The following FCRL5 variants were observed in gnomAD, a reference collection of about 807,000 sequenced individuals.
FCRL5 encodes the protein Fc receptor like 5, also known as Fc receptor-like protein 5.
Under a neutral mutation model 92.1 loss-of-function variants are expected in FCRL5, and 79 were observed. The observed-to-expected ratio is 0.86, with a 90% CI of 0.72 to 1.03. The LOEUF (loss-of-function observed/expected upper bound fraction) is 1.03. FCRL5 is among the 50% of genes least tolerant of loss of function. The pLI, the probability that FCRL5 is intolerant of heterozygous loss-of-function variation, is 0.00. For missense variants in FCRL5, 1,160 were observed against 1,181.1 expected, an observed-to-expected ratio of 0.98 and a Z score of 0.26; for synonymous variants, 466 against 469.3, an observed-to-expected ratio of 0.99 and a Z score of 0.09.
intron 8 of FCRL5, among the ~76,000 whole-genome samples, chr1:157,529,330 C>G (rs540860183): frequency 1.3e-5 from 2 of 152,176 alleles, no homozygotes; most frequent in Non-Finnish European, 2.9e-5. Context: ...GTAAAGGGAA[C>G]AGTTTTACAC....
chr1:157,549,434 A>G (rs1178014805), intron 2 of FCRL5, 126 bp downstream of exon 2: 2 of 877,616 alleles, frequency 2.3e-6, no homozygotes, highest in Non-Finnish European at 3.5e-6. Flanking sequence ...TTAAAGTATA[A>G]TAAAAAAAAG....
intron 1 of FCRL5, among the ~76,000 whole-genome samples, chr1:157,551,852 C>CATT (rs924188317): frequency 6.6e-6 from 1 of 152,206 alleles, no homozygotes; most frequent in African/African-American, 2.4e-5. Flanking sequence ...TGTTCTTAAT[C>CATT]AGCCAATTGC....
chr1:157,544,191 C>T (rs185460568), intron 5 of FCRL5, 71 bp downstream of exon 5: 18 of 1,535,328 alleles, frequency 1.2e-5, no homozygotes, highest in African/African-American at 6.8e-5. Flanking sequence ...TGGTGACCCA[C>T]GCTGATATGC....
At position 157,540,875 on chromosome 1, in the gene FCRL5, A is replaced by G. The variant is rs562711824; in HGVS notation, c.1124-1511T>C. Among the ~76,000 whole-genome samples the G allele has an allele frequency of 7.2e-5, 11 of 152,298 alleles. No individual in the cohort carries two copies. The East Asian group carries it at 1.9e-3, about 27-fold the overall frequency. On this transcript the variant is annotated intron_variant, in intron 6 of 16. Coordinates refer to ENST00000361835, the MANE Select transcript of FCRL5 (RefSeq NM_031281.3). ...AATTTGTAAATATCGATATATAGAG[A>G]GACTCTAATTTAATCATCTAAGCAA...
At chr1:157,545,819 C>T (rs186667113) in intron 3 of FCRL5, among the ~76,000 whole-genome samples, 28 of 152,294 alleles carry the variant, frequency 1.8e-4, no homozygotes, top group South Asian at 4.1e-4. Flanking sequence ...TAAGCCACCG[C>T]GCCTGGCCAG....
At chr1:157,542,580 T>A (rs1355704226) in intron 6 of FCRL5, 5 of 420,224 alleles carry the variant, frequency 1.2e-5, no homozygotes. Context: ...ACAGGACAAG[T>A]GGAAAGCACA....
At chr1:157,520,633 G>A (rs1166455420) in intron 11 of FCRL5, 86 bp from the exon 12 acceptor site, 4 of 946,498 alleles carry the variant, frequency 4.2e-6, no homozygotes, top group Admixed American at 2.4e-5. Context: ...TGGGCCTGAC[G>A]GTGAACCTAG....
At chr1:157,516,872 C>T (rs1649956553) in intron 15 of FCRL5, among the ~76,000 whole-genome samples, 1 of 152,132 alleles carries the variant, frequency 6.6e-6, no homozygotes, top group African/African-American at 2.4e-5. Flanking sequence ...GGTGTCTATG[C>T]CTTGGTTTCC....
chr1:157,530,639 C>T (rs1403820012), intron 8 of FCRL5, among the ~76,000 whole-genome samples: 20 of 152,194 alleles, frequency 1.3e-4, no homozygotes, highest in Admixed American at 1.3e-3. Context: ...GGATTACAGG[C>T]GAGAGCCACC....
chr1:157,521,265 A>C lies in FCRL5; in HGVS notation c.2267T>G (p.Leu756Arg), dbSNP rs1650177955. 6.2e-7 allele frequency: 1 copy of C among 1,613,682 alleles called. No individual in the cohort carries two copies. Among genetic ancestry groups the C allele is most frequent in the Non-Finnish European group, 8.5e-7 (1 of 1,179,848 alleles). ...AVPVSRPVLT[L>R]RAPGTHAAVG... ...CGCAGCATGGGTCCCGGGAGCCCTG[A>C]GGGTGAGGACCGGGCGAGACACCGG... Residue 756 changes from leucine to arginine, a missense_variant, in exon 11 of 17, where the codon CTC becomes CGC. Physicochemically the swap from Leu to Arg is moderately radical, Grantham distance 102 (BLOSUM62 -2). Coordinates refer to ENST00000361835, the MANE Select transcript of FCRL5 (RefSeq NM_031281.3).
At chr1:157,552,184 G>C (rs1651851380) in intron 1 of FCRL5, 148 bp downstream of exon 1, 1 of 711,584 alleles carries the variant, frequency 1.4e-6, no homozygotes, top group South Asian at 1.9e-5. Context: ...AAAGCCCTGA[G>C]CTACAGAGTA....
At chr1:157,549,639 G>T (rs181703480) in intron 1 of FCRL5, 59 bp from the exon 2 acceptor site, 1 of 1,535,432 alleles carries the variant, frequency 6.5e-7, no homozygotes, top group South Asian at 1.2e-5. Context: ...GTTTTAAGAA[G>T]ATAATTCCCT....
At position 157,515,346 on chromosome 1, in the gene FCRL5, C is replaced by T. The variant is rs948708133; in HGVS notation, c.*329G>A. On this transcript the variant is annotated 3_prime_UTR_variant, in exon 17 of 17. Transcript: ENST00000361835. ...CCCACTCTCCCTTTGTGTGGTAAGA[C>T]CCCCTCTGTGGGGGTGTGATGAGAG... The T allele has an allele frequency of 2.1e-4, 68 of 326,820 alleles. No individual in the cohort carries two copies. The highest frequency in any genetic ancestry group is 1.4e-3 in the African/African-American group (65 of 47,504). 20.2% of individuals were successfully genotyped at this position (326,820 alleles called of 1,614,324 possible).
chr1:157,544,134 C>T, intron 5 of FCRL5, 128 bp downstream of exon 5: 1 of 936,194 alleles, frequency 1.1e-6, no homozygotes, highest in Non-Finnish European at 1.7e-6. Context: ...GGTCTCTTTG[C>T]TTGCACAACT....
In FCRL5 at chr1:157,534,807, G is replaced by A. The variant is rs751287412; in HGVS notation, c.1488C>T (p.Val496=). 4.1e-5 allele frequency: 66 copies of A among 1,609,990 alleles called. No individual in the cohort carries two copies. The highest frequency in any genetic ancestry group is 5.3e-5 in the Non-Finnish European group (63 of 1,178,020). The stretch of plus-strand genomic sequence containing the variant: ...ATAGGATTTGTGGGGAACCTCTCTG[G>A]ACTTCACAGTGAAGTGTCACAGTGG... ...EGATVTLHCE[V]QRGSPQILYQ... Residue 496 remains valine, a synonymous_variant, in exon 8 of 17, where the codon GTC becomes GTT. Transcript: ENST00000361835.
chr1:157,534,739 G>T lies in FCRL5; in HGVS notation c.1556C>A (p.Thr519Lys). The change falls in exon 8 of 17, where the codon ACA becomes AAA. Residue 519 changes from threonine to lysine, a missense_variant. By Grantham distance (78) the Thr-to-Lys change is moderately conservative (BLOSUM62 -1). Coordinates refer to ENST00000361835, the MANE Select transcript of FCRL5 (RefSeq NM_031281.3). ...HEDMPLWSSS[T>K]PSVGRVSFSF... ...GAAGGACACTCTTCCCACAGAGGGT[G>T]TTGAGCTGCTCCACAGGGGCATGTC... 1 of 1,614,170 alleles carries T rather than the reference G, an allele frequency of 6.2e-7. No individual in the cohort carries two copies. The highest frequency in any genetic ancestry group is 1.7e-5 in the Admixed American group (1 of 60,022).
rs142563853 is a variant in FCRL5, at chr1:157,544,303, C to T, written c.803G>A (p.Ser268Asn). Residue 268 changes from serine to asparagine, a missense_variant, in exon 5 of 17, where the codon AGC (serine) becomes AAC (asparagine). Coordinates refer to ENST00000361835, the MANE Select transcript of FCRL5 (RefSeq NM_031281.3). ...GGATCTCGGGCTGTCAGATATGACG[C>T]TGTAAGGCATTGTTGCTGCCTTACA... ...YWCKAATMPY[S>N]VISDSPRSWI... 5.4e-5 allele frequency: 87 copies of T among 1,614,070 alleles called. No individual in the cohort carries two copies. The highest frequency in any genetic ancestry group is 6.9e-5 in the Non-Finnish European group (81 of 1,180,044).
At chr1:157,547,272 C>A in intron 2 of FCRL5, 75 bp from the exon 3 acceptor site, 1 of 1,567,138 alleles carries the variant, frequency 6.4e-7, no homozygotes, top group Non-Finnish European at 8.7e-7. Context: ...TGCTGCATAG[C>A]CTGAAGGACC....
chr1:157,518,595 C>T (rs1650035825), intron 14 of FCRL5, 98 bp from the exon 15 acceptor site: 2 of 1,445,000 alleles, frequency 1.4e-6, no homozygotes, highest in African/African-American at 2.8e-5. Flanking sequence ...TCTGGAAGGA[C>T]TAGAGCCCTC....
Sources: gnomAD v4.1 joint callset for allele counts (sites outside exome capture counted in the v4.1 genomes callset) on GRCh38, gnomAD v4.1.1 for gene constraint, MANE v1.5 for transcripts, NCBI Gene and HGNC (gene_info 2026-07-23, HGNC 2026-07-21) for gene names.